The following OSGIN2 variants were observed in gnomAD, a reference collection of about 807,000 sequenced individuals.
The protein encoded by OSGIN2 is oxidative stress induced growth inhibitor family member 2, also known as oxidative stress-induced growth inhibitor 2.
In OSGIN2, 19 loss-of-function variants were observed where a neutral mutation model predicts 53.8. The observed-to-expected ratio is 0.35, with a 90% confidence interval of 0.25 to 0.52. The LOEUF is 0.52. Ranked by LOEUF, OSGIN2 falls within the 20% of genes least tolerant of loss-of-function variation. The probability of loss-of-function intolerance (pLI) is 0.95; values close to 1 mark genes in which losing one functional copy is unlikely to be tolerated. For missense variants in OSGIN2, 520 were observed against 662.7 expected, an observed-to-expected ratio of 0.78 and a Z score of 2.36; for synonymous variants, 236 against 236.0, an observed-to-expected ratio of 1.00 and a Z score of 0.00.
Position 89,914,098 on chromosome 8 carries a change from G to T in OSGIN2, c.221G>T (p.Cys74Phe). The change falls in exon 3 of 6, where the codon TGC (cysteine) becomes TTC (phenylalanine). Residue 74 changes from cysteine (C) to phenylalanine (F), a missense_variant. Coordinates refer to ENST00000451899, the MANE Select transcript of OSGIN2 (RefSeq NM_001126111.3). ...VIIGNGPSGI[C>F]LSYMLSGYRP... ...ATAGGAAATGGACCCTCAGGAATAT[G>T]CCTTTCTTATATGTTATCAGGCTAC... 4 of 1,611,118 alleles carry T rather than the reference G, an allele frequency of 2.5e-6. No individual in the cohort carries two copies. The highest frequency in any genetic ancestry group is 1.3e-5 in the African/African-American group (1 of 74,884).
In OSGIN2 at chr8:89,920,847, A is replaced by G. The variant is rs576236194; in HGVS notation, c.529-233A>G. On this transcript the variant is annotated intron_variant, in intron 4 of 5. Transcript: ENST00000451899. ...TATTGTAAATTTGTTTTATAAATTTATAACTATATGAAAGAAGGTTGTCGG... is the reference window on the plus strand; with the variant it reads ...TATTGTAAATTTGTTTTATAAATTTGTAACTATATGAAAGAAGGTTGTCGG... Among the ~76,000 whole-genome samples, 176 of 152,334 alleles carry G rather than the reference A, an allele frequency of 1.2e-3. 1 individual carries two copies. The South Asian group carries it at 0.012, about 10-fold the overall frequency.
Position 89,926,655 on chromosome 8 carries a change from T to A in OSGIN2, c.*1123T>A, listed in dbSNP as rs1809340410. The A allele has an allele frequency of 6.6e-6, 1 of 152,256 alleles. No homozygotes were observed. Among genetic ancestry groups the A allele is most frequent in the Non-Finnish European group, 1.5e-5 (1 of 68,020 alleles). 9.4% of individuals were successfully genotyped at this position (152,256 alleles called of 1,614,324 possible). ...ATCTGTTCTAATTATATAAGTGTGT[T>A]TACTGTCTGTGTTTTCACACAAACT... On this transcript the variant is annotated 3_prime_UTR_variant, in exon 6 of 6. Transcript: ENST00000451899.
At chr8:89,905,084 T>C (rs1808807159) in intron 1 of OSGIN2, among the ~76,000 whole-genome samples, 1 of 152,254 alleles carries the variant, frequency 6.6e-6, no homozygotes, top group Admixed American at 6.5e-5. Flanking sequence ...TCATTTTAGT[T>C]TGAATGATCA....
intron 1 of OSGIN2, among the ~76,000 whole-genome samples, chr8:89,904,169 G>A (rs1421302944): frequency 6.6e-6 from 1 of 152,194 alleles, no homozygotes; most frequent in Non-Finnish European, 1.5e-5. Context: ...TGAGACAGCG[G>A]TTTGAAGGTA....
At chr8:89,904,164 C>T (rs1385058302) in intron 1 of OSGIN2, among the ~76,000 whole-genome samples, 2 of 152,190 alleles carry the variant, frequency 1.3e-5, no homozygotes, top group African/African-American at 4.8e-5. Flanking sequence ...ACTACTGAGA[C>T]AGCGGTTTGA....
At position 89,914,549 on chromosome 8, in the gene OSGIN2, A is replaced by T. The variant is rs373006663; in HGVS notation, c.337-6A>T. 172 of 1,611,220 alleles carry T rather than the reference A, an allele frequency of 1.1e-4. No individual in the cohort carries two copies. The highest frequency in any genetic ancestry group is 1.4e-4 in the Non-Finnish European group (161 of 1,177,912). The stretch of plus-strand genomic sequence containing the variant: ...TTCAAACTCTGTCTCCCTTTTGTTC[A>T]TTCAGGACTTAGAATACTTGTCTGA... On this transcript the variant is annotated splice_region_variant and splice_polypyrimidine_tract_variant and intron_variant, in intron 3 of 5. Coordinates refer to ENST00000451899, the MANE Select transcript of OSGIN2 (RefSeq NM_001126111.3).
At chr8:89,921,052 G>A in intron 4 of OSGIN2, 28 bp from the exon 5 acceptor site, 1 of 1,315,998 alleles carries the variant, frequency 7.6e-7, no homozygotes, top group Non-Finnish European at 1.1e-6. Flanking sequence ...TTTTTTGACG[G>A]TACATTTTTT....
chr8:89,905,947 CA>C (rs1808830262), intron 1 of OSGIN2, among the ~76,000 whole-genome samples: 1 of 151,932 alleles, frequency 6.6e-6, no homozygotes, highest in Non-Finnish European at 1.5e-5. Flanking sequence ...ATAATAGCAT[CA>C]AAAAATGAAA....
chr8:89,905,558 T>A (rs1715637373), intron 1 of OSGIN2, among the ~76,000 whole-genome samples: 1 of 133,538 alleles, frequency 7.5e-6, no homozygotes, highest in South Asian at 2.5e-4. Flanking sequence ...AAGTCTTGTT[T>A]CATTAATGTT....
intron 2 of OSGIN2, among the ~76,000 whole-genome samples, chr8:89,913,802 G>A (rs1446605092): frequency 1.3e-5 from 2 of 152,184 alleles, no homozygotes; most frequent in Non-Finnish European, 2.9e-5. Flanking sequence ...GAAGTGGAAT[G>A]GAAATGTGGG....
At position 89,927,040 on chromosome 8, in the gene OSGIN2, GATA is replaced by G. The variant is rs1462745457; in HGVS notation, c.*1513_*1515del. 3.3e-5 allele frequency: 5 copies of G among 152,138 alleles called. No homozygotes were observed. Among genetic ancestry groups the G allele is most frequent in the African/African-American group, 4.8e-5 (2 of 41,520 alleles). The allele number at this position is 152,138 out of a possible 1,614,324, so 9.4% of individuals were successfully genotyped here. A position where few individuals can be genotyped will look rare whatever the true frequency, so the allele number is the denominator to read the frequency against. ...CAATCCAGTTTTAGTTTTCTATTGT[GATA>G]ATAACTTTTTTCAAACCAGTTTCAC... On this transcript the variant is annotated 3_prime_UTR_variant, in exon 6 of 6. Transcript: ENST00000451899.
rs1000243361 is a variant in OSGIN2, at chr8:89,926,890, G to A, written c.*1358G>A. On this transcript the variant is annotated 3_prime_UTR_variant, in exon 6 of 6. Coordinates refer to ENST00000451899, the MANE Select transcript of OSGIN2 (RefSeq NM_001126111.3). ...CAGTATTAAATGCTTAAGCTTATTA[G>A]GACCATAATTCACTTTAAATATAAT... is the stretch of plus-strand genomic sequence containing the variant. 3.9e-5 allele frequency: 6 copies of A among 152,016 alleles called. No individual in the cohort carries two copies. The highest frequency in any genetic ancestry group is 1.2e-4 in the African/African-American group (5 of 41,386). 9.4% of individuals were successfully genotyped at this position (152,016 alleles called of 1,614,324 possible). A position where few individuals can be genotyped will look rare whatever the true frequency, so the allele number is the denominator to read the frequency against.
Position 89,924,993 on chromosome 8 carries a change from G to C in OSGIN2, c.1111G>C (p.Val371Leu). ...GTGTGCTTACAACAGTAATATCCCTGTGATTCATGTGTTTCGCAGACGAGT... is the reference window on the plus strand; with the variant it reads ...GTGTGCTTACAACAGTAATATCCCTCTGATTCATGTGTTTCGCAGACGAGT... Reference protein sequence around the residue: ...VLCAYNSNIPVIHVFRRRVTD... With the variant: ...VLCAYNSNIPLIHVFRRRVTD... Residue 371 changes from valine to leucine, a missense_variant, in exon 6 of 6, where the codon GTG (valine) becomes CTG (leucine). Around this residue, in one of 3 missense-constraint regions of OSGIN2, gnomAD observed 239 missense variants for 328.3 expected, o/e 0.73. Coordinates refer to ENST00000451899, the MANE Select transcript of OSGIN2 (RefSeq NM_001126111.3). 7 of 1,614,050 alleles carry C rather than the reference G, an allele frequency of 4.3e-6. No homozygotes were observed. Among genetic ancestry groups the C allele is most frequent in the Non-Finnish European group, 5.9e-6 (7 of 1,179,916 alleles).
At position 89,926,637 on chromosome 8, in the gene OSGIN2, C is replaced by A. The variant is rs536858684; in HGVS notation, c.*1105C>A. The A allele has an allele frequency of 1.3e-5, 2 of 152,186 alleles. No homozygotes were observed. Among genetic ancestry groups the A allele is most frequent in the Non-Finnish European group, 2.9e-5 (2 of 68,002 alleles). 9.4% of individuals were successfully genotyped at this position (152,186 alleles called of 1,614,324 possible). On this transcript the variant is annotated 3_prime_UTR_variant, in exon 6 of 6. Coordinates refer to ENST00000451899, the MANE Select transcript of OSGIN2 (RefSeq NM_001126111.3). Reference sequence around the variant, plus strand: ...TGGTTGTTTATTGGATTTATCTGTTCTAATTATATAAGTGTGTTTACTGTC... The same window carrying A: ...TGGTTGTTTATTGGATTTATCTGTTATAATTATATAAGTGTGTTTACTGTC...
At chr8:89,906,898 T>C (rs1302028077) in intron 1 of OSGIN2, among the ~76,000 whole-genome samples, 1 of 152,162 alleles carries the variant, frequency 6.6e-6, no homozygotes, top group Non-Finnish European at 1.5e-5. Context: ...CCCCAACATA[T>C]AAGCATTCCC....
chr8:89,918,456 A>G (rs943496491), intron 4 of OSGIN2, among the ~76,000 whole-genome samples: 3 of 152,074 alleles, frequency 2.0e-5, no homozygotes, highest in African/African-American at 7.2e-5. Context: ...GTGCCACCAC[A>G]CCCAGCTGAC....
In OSGIN2 at chr8:89,926,943, A is replaced by T. The variant is rs951159130; in HGVS notation, c.*1411A>T. 2.6e-5 allele frequency: 4 copies of T among 152,202 alleles called. No individual in the cohort carries two copies. The highest frequency in any genetic ancestry group is 5.9e-5 in the Non-Finnish European group (4 of 68,030). 9.4% of individuals were successfully genotyped at this position (152,202 alleles called of 1,614,324 possible). ...TATAGAATATATTTGCGTCGATCAA[A>T]TAATTGCTTCAGATGAATTCTTAGA... On this transcript the variant is annotated 3_prime_UTR_variant, in exon 6 of 6. Transcript: ENST00000451899.
rs755040887 is a variant in OSGIN2 at position 89,925,140 on chromosome 8, A to G, written c.1258A>G (p.Thr420Ala). The part of the protein sequence containing the change: ...SVDSNLLSDY[T>A]SFPEHRVLSF... The stretch of plus-strand genomic sequence containing the variant: ...AGACTCAAATCTTTTATCTGATTAT[A>G]CCAGCTTTCCCGAGCACCGTGTGCT... Residue 420 changes from threonine to alanine, a missense_variant, in exon 6 of 6, where the codon ACC becomes GCC. Transcript: ENST00000451899. 3.1e-6 allele frequency: 5 copies of G among 1,614,092 alleles called. No individual in the cohort carries two copies. The South Asian group carries it at 5.5e-5, about 18-fold the overall frequency.
chr8:89,925,594 G>GC lies in OSGIN2; in HGVS notation c.*63dup. ...ATTAAAGATTTTTAATAGTGGTTTT[G>GC]CAGTGTACTGGCTTGAATTTTCTGG... On this transcript the variant is annotated 3_prime_UTR_variant, in exon 6 of 6. Coordinates refer to ENST00000451899, the MANE Select transcript of OSGIN2 (RefSeq NM_001126111.3). 3 of 1,332,922 alleles carry GC rather than the reference G, an allele frequency of 2.3e-6. No homozygotes were observed. Among genetic ancestry groups the GC allele is most frequent in the South Asian group, 2.7e-5 (2 of 74,684 alleles). The allele number at this position is 1,332,922 out of a possible 1,614,324, so 82.6% of individuals were successfully genotyped here. A position where few individuals can be genotyped will look rare whatever the true frequency, so the allele number is the denominator to read the frequency against.
Sources: allele counts gnomAD v4.1 joint callset (sites outside exome capture counted in the v4.1 genomes callset), GRCh38; gene constraint gnomAD v4.1.1; regional missense constraint gnomAD v4.1.1; transcripts MANE v1.5; gene names NCBI Gene and HGNC (gene_info 2026-07-23, HGNC 2026-07-21).